HARBI1: variants seen among roughly 807,000 people sequenced by gnomAD.
HARBI1 encodes the protein putative nuclease HARBI1.
HARBI1 carries 15 observed loss-of-function variants against 25.3 expected under a neutral mutation model. The ratio of observed to expected loss-of-function variants is 0.59; its 90% CI spans 0.40 to 0.91. The LOEUF is 0.91. Among genes scored for constraint, HARBI1 ranks in the 40% least tolerant of loss-of-function variants. The pLI is 0.00. For synonymous variants in HARBI1, 168 were observed against 160.5 expected (o/e 1.05, Z -0.35); for missense variants, 396 against 445.8 (o/e 0.89, Z 1.01).
At chr11:46,605,052 G>C (rs2044883537) in intron 2 of HARBI1, among the ~76,000 whole-genome samples, 1 of 152,180 alleles carries the variant, frequency 6.6e-6, no homozygotes, top group Non-Finnish European at 1.5e-5. Context: ...GTCCCGCACA[G>C]AGGCAAAACC....
Position 46,616,184 on chromosome 11 carries a change from A to G in HARBI1, c.54T>C (p.Gly18=). 6.2e-7 allele frequency: 1 copy of G among 1,613,378 alleles called. No homozygotes were observed. The highest frequency in any genetic ancestry group is 8.5e-7 in the Non-Finnish European group (1 of 1,180,026). Residue 18 remains glycine, a synonymous_variant, in exon 2 of 3, where the codon GGT becomes GGC. Transcript: ENST00000326737. ...GCTTAAAACGGTCCAATGTCCGGTG[A>G]CCACGGCCATATAGCAAGAGGTCAC... The part of the protein sequence containing the change: ...LDCDLLLYGR[G]HRTLDRFKLD...
chr11:46,616,845 A>AC (rs2045541064), intron 1 of HARBI1: 2 of 919,114 alleles, frequency 2.2e-6, no homozygotes, highest in African/African-American at 1.8e-5. Context: ...AAAAAAAAAA[A>AC]AAAAAAAAAA....
At chr11:46,608,954 G>C (rs868338956) in intron 2 of HARBI1, among the ~76,000 whole-genome samples, 1 of 137,850 alleles carries the variant, frequency 7.3e-6, no homozygotes, top group Non-Finnish European at 1.5e-5. Context: ...GCAAAGTCTC[G>C]CTCTTGTCCC....
At chr11:46,614,145 A>T (rs7924401) in intron 2 of HARBI1, among the ~76,000 whole-genome samples, 32,349 of 150,756 alleles carry the variant, frequency 0.21, 4,183 homozygotes, top group African/African-American at 0.37. Context: ...ATATATATAT[A>T]GGCTGGGCAT....
chr11:46,614,226 G>A (rs760722018), intron 2 of HARBI1, among the ~76,000 whole-genome samples: 88 of 151,618 alleles, frequency 5.8e-4, no homozygotes, highest in Non-Finnish European at 1.1e-3. Flanking sequence ...TTGGGAGTTC[G>A]AGAGCAGCCT....
intron 2 of HARBI1, among the ~76,000 whole-genome samples, chr11:46,614,369 A>G (rs2045297524): frequency 6.6e-6 from 1 of 152,066 alleles, no homozygotes; most frequent in South Asian, 2.1e-4. Context: ...GGTTGCAGTG[A>G]GCCAAGATCG....
intron 2 of HARBI1, among the ~76,000 whole-genome samples, chr11:46,611,736 C>A (rs898498180): frequency 2.0e-5 from 3 of 150,650 alleles, no homozygotes; most frequent in African/African-American, 2.4e-5. Flanking sequence ...GTGGGGGGAA[C>A]CAAAGTGAAG....
chr11:46,617,891 G>C, upstream of HARBI1: 1 of 399,136 alleles, frequency 2.5e-6, no homozygotes, highest in Non-Finnish European at 4.4e-6. Context: ...AGCTTCGCAG[G>C]TACTAACTTT....
At chr11:46,605,218 C>T (rs1277727534) in intron 2 of HARBI1, among the ~76,000 whole-genome samples, 1 of 152,096 alleles carries the variant, frequency 6.6e-6, no homozygotes, top group Non-Finnish European at 1.5e-5. Context: ...TAGGCGCTTA[C>T]ATTTATTTTT....
chr11:46,608,408 T>C (rs2045040984), intron 2 of HARBI1, among the ~76,000 whole-genome samples: 1 of 152,180 alleles, frequency 6.6e-6, no homozygotes, highest in South Asian at 2.1e-4. Flanking sequence ...TTACTCCCAC[T>C]GTCCACACAA....
intron 2 of HARBI1, among the ~76,000 whole-genome samples, chr11:46,608,795 A>C (rs2135387587): frequency 6.7e-6 from 1 of 149,508 alleles, no homozygotes; most frequent in East Asian, 2.0e-4. Context: ...TTGTATTTTT[A>C]GTAGAGACAG....
intron 2 of HARBI1, among the ~76,000 whole-genome samples, chr11:46,606,459 T>C (rs1437155132): frequency 6.7e-6 from 1 of 149,066 alleles, no homozygotes; most frequent in Non-Finnish European, 1.5e-5. Context: ...ACTACAGGCA[T>C]GTACCACCAT....
rs771913231 is a variant in HARBI1, at chr11:46,603,613, C to T, written c.967G>A (p.Glu323Lys). The change falls in exon 3 of 3, where the codon GAA becomes AAA. Residue 323 changes from glutamate to lysine, a missense_variant. Physicochemically the swap from Glu to Lys is moderately conservative, Grantham distance 56 (BLOSUM62 1). Coordinates refer to ENST00000326737, the MANE Select transcript of HARBI1 (RefSeq NM_173811.4). ...GACTCCATGTGCTCATACTCCTCTT[C>T]CGGGGGCTGTTCCATGGGTCCTGTC... ...PMTGPMEQPPEEEYEHMESLD... is the reference protein window; with the variant it reads ...PMTGPMEQPPKEEYEHMESLD... 1.9e-6 allele frequency: 3 copies of T among 1,614,080 alleles called. No homozygotes were observed. The highest frequency in any genetic ancestry group is 2.5e-6 in the Non-Finnish European group (3 of 1,180,026).
intron 2 of HARBI1, among the ~76,000 whole-genome samples, chr11:46,612,356 G>A (rs910207345): frequency 6.6e-6 from 1 of 151,692 alleles, no homozygotes; most frequent in African/African-American, 2.4e-5. Flanking sequence ...TTGTATACAA[G>A]ATAACCCTTG....
At chr11:46,604,231 G>A (rs1440145636) in intron 2 of HARBI1, 15 of 985,114 alleles carry the variant, frequency 1.5e-5, no homozygotes, top group South Asian at 9.4e-5. Context: ...GCATTTGGCC[G>A]GGCATGGTGA....
intron 2 of HARBI1, among the ~76,000 whole-genome samples, chr11:46,611,836 AC>A (rs2045195824): frequency 6.6e-6 from 1 of 152,124 alleles, no homozygotes; most frequent in Non-Finnish European, 1.5e-5. Flanking sequence ...CTACTTTCCC[AC>A]ACTTCTTGGT....
In HARBI1 at chr11:46,617,210, GC is replaced by G; in HGVS notation, c.-232del. 6.1e-6 allele frequency: 1 copy of G among 163,806 alleles called. No individual in the cohort carries two copies. The highest frequency in any genetic ancestry group is 1.3e-5 in the Non-Finnish European group (1 of 78,588). The allele number at this position is 163,806 out of a possible 1,614,324, so 10.1% of individuals were successfully genotyped here. On this transcript the variant is annotated 5_prime_UTR_variant, in exon 1 of 3. Transcript: ENST00000326737. Reference sequence around the variant, plus strand: ...CTCCGGAACCGGCGACTGCACAGAGGCCGCCACGGCGCGCAACAGCGGCACC... The same window carrying G: ...CTCCGGAACCGGCGACTGCACAGAGGCGCCACGGCGCGCAACAGCGGCACC...
At position 46,616,088 on chromosome 11, in the gene HARBI1, C is replaced by T; in HGVS notation, c.150G>A (p.Val50=). The change falls in exon 2 of 3, where the codon GTG becomes GTA. Residue 50 remains valine (V), a synonymous_variant. Coordinates refer to ENST00000326737, the MANE Select transcript of HARBI1 (RefSeq NM_173811.4). ...TAGAAAGATTCGCCCCCAAGAGCTC[C>T]ACCAAGTAATAAATGAACTGCCGTG... ...GFPRQFIYYL[V]ELLGANLSRP... is the part of the protein sequence containing the mutation. 6.2e-7 allele frequency: 1 copy of T among 1,614,202 alleles called. No homozygotes were observed.
At chr11:46,607,415 T>C (rs1042347383) in intron 2 of HARBI1, among the ~76,000 whole-genome samples, 2 of 152,204 alleles carry the variant, frequency 1.3e-5, no homozygotes, top group African/African-American at 4.8e-5. Context: ...TAAATGCTAA[T>C]TTCAGACTCA....
Sources: gnomAD v4.1 joint callset for allele counts (sites outside exome capture counted in the v4.1 genomes callset) on GRCh38, gnomAD v4.1.1 for gene constraint, MANE v1.5 for transcripts, NCBI Gene and HGNC (gene_info 2026-07-23, HGNC 2026-07-21) for gene names.